PCDHA6: variants seen among roughly 807,000 people sequenced by gnomAD.
PCDHA6 encodes the protein protocadherin alpha-6.
A neutral mutation model predicts 60.3 loss-of-function variants in PCDHA6; 55 were observed. The ratio of observed to expected loss-of-function variants is 0.91; its 90% confidence interval spans 0.73 to 1.14. The LOEUF is 1.14. Ranked by LOEUF, PCDHA6 falls within the 50% of genes most tolerant of loss-of-function variation. The pLI is 0.00. For synonymous variants in PCDHA6, 652 were observed against 557.9 expected (o/e 1.17, Z -2.38); for missense variants, 1,327 against 1,256.5 (o/e 1.06, Z -0.85).
At chr5:140,965,716 C>T (rs75761543) in intron 1 of PCDHA6, among the ~76,000 whole-genome samples, 2,507 of 152,272 alleles carry the variant, frequency 0.016, 70 homozygotes, top group African/African-American at 0.056. Flanking sequence ...AGAAGAATCT[C>T]TTTAAAAATT....
In PCDHA6 at chr5:140,855,474, C is replaced by T. The variant is rs997217146; in HGVS notation, c.2394+24989C>T. On this transcript the variant is annotated intron_variant, in intron 1 of 3. Transcript: ENST00000529310. Reference sequence around the variant, plus strand: ...ATAAACACCTCACAGATAGTTGATGCTTGACATTAGTGTCTAAATAAACCT... The same window carrying T: ...ATAAACACCTCACAGATAGTTGATGTTTGACATTAGTGTCTAAATAAACCT... Among the ~76,000 whole-genome samples, 3 of 149,784 alleles carry T rather than the reference C, an allele frequency of 2.0e-5. 1 individual carries two copies. Among genetic ancestry groups the T allele is most frequent in the African/African-American group, 7.3e-5 (3 of 40,830 alleles).
At chr5:140,877,500 A>G (rs781878840) in intron 1 of PCDHA6, 80 of 1,613,694 alleles carry the variant, frequency 5.0e-5, no homozygotes, top group Non-Finnish European at 6.6e-5. Flanking sequence ...GCCAGGCCCC[A>G]AAGACGTCGT....
In PCDHA6 at chr5:140,855,851, G is replaced by A. The variant is rs971470534; in HGVS notation, c.2394+25366G>A. On this transcript the variant is annotated intron_variant, in intron 1 of 3. Transcript: ENST00000529310. Reference sequence around the variant, plus strand: ...AATCGTACTTACACCTAAAGCCACCGGATGTCGCTGTCGTCCACAAAATAG... The same window carrying A: ...AATCGTACTTACACCTAAAGCCACCAGATGTCGCTGTCGTCCACAAAATAG... 16 of 668,440 alleles carry A rather than the reference G, an allele frequency of 2.4e-5. No homozygotes were observed. The East Asian group carries it at 3.9e-4, about 16-fold the overall frequency. The allele number at this position is 668,440 out of a possible 1,614,324, so 41.4% of individuals were successfully genotyped here.
chr5:140,914,042 T>C (rs2076573370), intron 1 of PCDHA6, among the ~76,000 whole-genome samples: 1 of 152,222 alleles, frequency 6.6e-6, no homozygotes, highest in South Asian at 2.1e-4. Context: ...AGAATGTGTA[T>C]TCTGCAGCTG....
intron 1 of PCDHA6, chr5:140,841,073 G>A: frequency 2.0e-6 from 1 of 498,500 alleles, no homozygotes; most frequent in East Asian, 3.4e-5. Context: ...TAAAGAAATA[G>A]AAAGTGCATA....
At chr5:140,966,927 C>A in intron 1 of PCDHA6, 1 of 1,603,516 alleles carries the variant, frequency 6.2e-7, no homozygotes, top group Non-Finnish European at 8.5e-7. Context: ...GAGCAGGCAC[C>A]CGGCGCGCTC....
chr5:140,885,041 T>C (rs2060440056), intron 1 of PCDHA6, among the ~76,000 whole-genome samples: 1 of 152,250 alleles, frequency 6.6e-6, no homozygotes, highest in Non-Finnish European at 1.5e-5. Flanking sequence ...ATTTTTAGTT[T>C]AATGTATACA....
intron 1 of PCDHA6, among the ~76,000 whole-genome samples, chr5:140,917,013 A>G (rs565656440): frequency 2.6e-4 from 39 of 152,080 alleles, no homozygotes; most frequent in Non-Finnish European, 4.6e-4. Context: ...ATCTCCCTTC[A>G]TGTGCAGCTG....
Position 140,995,490 on chromosome 5 carries a change from A to C in PCDHA6, c.2542+12927A>C, listed in dbSNP as rs181247682. Among the ~76,000 whole-genome samples the C allele has an allele frequency of 2.7e-3, 416 of 152,304 alleles. 1 individual carries two copies. The highest frequency in any genetic ancestry group is 4.2e-3 in the Non-Finnish European group (283 of 68,028). ...ATTTTTCATTTAATATTTTCAGACT[A>C]AGGTTGACTGTGGGTAACTGAAGCC... is the stretch of plus-strand genomic sequence containing the variant. On this transcript the variant is annotated intron_variant, in intron 3 of 3. Transcript: ENST00000529310.
chr5:140,901,440 G>C (rs187310877), intron 1 of PCDHA6, among the ~76,000 whole-genome samples: 22 of 152,214 alleles, frequency 1.4e-4, no homozygotes, highest in Admixed American at 5.2e-4. Flanking sequence ...TGGATATCTA[G>C]TTTCCCAGCA....
intron 1 of PCDHA6, among the ~76,000 whole-genome samples, chr5:140,881,901 T>C (rs1455904146): frequency 6.6e-6 from 1 of 152,208 alleles, no homozygotes; most frequent in Non-Finnish European, 1.5e-5. Context: ...TGTCAGCTAA[T>C]ATAAAATGTT....
chr5:140,936,867 T>TA (rs1471990778), intron 1 of PCDHA6, among the ~76,000 whole-genome samples: 5 of 152,214 alleles, frequency 3.3e-5, no homozygotes, highest in Admixed American at 2.6e-4. Context: ...GTTTCTATTT[T>TA]AAAAAACCCT....
At chr5:140,872,270 T>G (rs1246364406) in intron 1 of PCDHA6, among the ~76,000 whole-genome samples, 1 of 152,172 alleles carries the variant, frequency 6.6e-6, no homozygotes, top group African/African-American at 2.4e-5. Context: ...TCATATTGTT[T>G]GAAGAAAAAA....
chr5:140,869,270 T>G (rs782020247), intron 1 of PCDHA6: 48 of 1,613,430 alleles, frequency 3.0e-5, no homozygotes, highest in Non-Finnish European at 4.0e-5. Context: ...GGGCTGGAGC[T>G]GGCGGAGCTG....
intron 1 of PCDHA6, chr5:140,929,505 C>A: frequency 1.2e-6 from 1 of 840,606 alleles, no homozygotes; most frequent in Non-Finnish European, 1.7e-6. Flanking sequence ...TGCCCTAGGC[C>A]TCAAGGGACT....
chr5:140,853,543 A>G (rs2042787670), intron 1 of PCDHA6: 2 of 979,444 alleles, frequency 2.0e-6, no homozygotes, highest in Middle Eastern at 5.4e-4. Context: ...TTCAAGTTGT[A>G]ATTACTATAT....
chr5:140,896,366 C>T (rs905088200), intron 1 of PCDHA6, among the ~76,000 whole-genome samples: 1 of 152,090 alleles, frequency 6.6e-6, no homozygotes, highest in Non-Finnish European at 1.5e-5. Context: ...TATAAGCATT[C>T]CCTTTTCTCT....
chr5:140,876,596 C>T (rs1361945795), intron 1 of PCDHA6: 1 of 1,614,040 alleles, frequency 6.2e-7, no homozygotes, highest in East Asian at 2.2e-5. Flanking sequence ...ATTAGCGTGT[C>T]GGATCGTGAC....
At chr5:140,905,092 CAGTCATGAA>C (rs1554191919) in intron 1 of PCDHA6, among the ~76,000 whole-genome samples, 5 of 152,092 alleles carry the variant, frequency 3.3e-5, no homozygotes, top group African/African-American at 1.2e-4. Flanking sequence ...TTTGGGTTCT[CAGTCATGAA>C]TTGTTTGCCT....
Sources: allele counts gnomAD v4.1 joint callset (sites outside exome capture counted in the v4.1 genomes callset), GRCh38; gene constraint gnomAD v4.1.1; transcripts MANE v1.5; gene names NCBI Gene and HGNC (gene_info 2026-07-23, HGNC 2026-07-21).